Variants in TSPEAR observed in about 807,000 individuals in gnomAD.
TSPEAR encodes the protein thrombospondin type laminin G domain and EAR repeats.
In TSPEAR, 69 loss-of-function variants were observed where a neutral mutation model predicts 71.6. The observed-to-expected ratio is 0.96, with a 90% CI of 0.79 to 1.18. The LOEUF (loss-of-function observed/expected upper bound fraction) is 1.18. TSPEAR is among the 50% of genes most tolerant of loss of function. The probability of loss-of-function intolerance (pLI) is 0.00; values close to 1 mark genes in which losing one functional copy is unlikely to be tolerated. For synonymous variants in TSPEAR, 402 were observed against 387.2 expected, an observed-to-expected ratio of 1.04 and a Z score of -0.45; for missense variants, 971 against 894.9, an observed-to-expected ratio of 1.09 and a Z score of -1.09.
At chr21:44,630,391 C>G (rs1555935501) in intron 1 of TSPEAR, among the ~76,000 whole-genome samples, 2 of 152,118 alleles carry the variant, frequency 1.3e-5, no homozygotes, top group Admixed American at 6.5e-5. Flanking sequence ...TCACTGCCAC[C>G]TGGACAAAGG....
intron 1 of TSPEAR, among the ~76,000 whole-genome samples, chr21:44,669,013 T>C (rs897076402): frequency 1.3e-5 from 2 of 151,982 alleles, no homozygotes; most frequent in Admixed American, 6.5e-5. Flanking sequence ...TAGAATGAGA[T>C]TGAAGAAGAG....
chr21:44,627,969 C>T (rs1382175531), intron 1 of TSPEAR: 25 of 1,519,846 alleles, frequency 1.6e-5, no homozygotes, highest in Non-Finnish European at 2.0e-5. Flanking sequence ...GCCAGGCCTC[C>T]TGTGTGTCCC....
intron 1 of TSPEAR, among the ~76,000 whole-genome samples, chr21:44,606,323 C>T (rs149077335): frequency 6.6e-6 from 1 of 152,282 alleles, no homozygotes; most frequent in East Asian, 1.9e-4. Flanking sequence ...TGCAATGAGA[C>T]ATCACCTCAC....
rs1284396487 is a variant in TSPEAR, at chr21:44,567,831, T to G, written c.257A>C (p.Glu86Ala). 1 of 1,601,628 alleles carries G rather than the reference T, an allele frequency of 6.2e-7. No homozygotes were observed. Among genetic ancestry groups the G allele is most frequent in the Non-Finnish European group, 8.5e-7 (1 of 1,172,968 alleles). The change falls in exon 2 of 12, where the codon GAA becomes GCA. Residue 86 changes from glutamate to alanine, a missense_variant. Coordinates refer to ENST00000323084, the MANE Select transcript of TSPEAR (RefSeq NM_144991.3). ...IFSQCDLFPE[E>A]FSIVVTLRVP... ...TCTCAAAGTTACGACGATGGAAAAT[T>G]CTTCAGGGAAGAGGTCACACTGGGA... is the stretch of plus-strand genomic sequence containing the variant.
At chr21:44,511,525 CAT>C (rs2052378594) in intron 9 of TSPEAR, among the ~76,000 whole-genome samples, 1 of 152,212 alleles carries the variant, frequency 6.6e-6, no homozygotes, top group Admixed American at 6.5e-5. Flanking sequence ...TGTCCATGTG[CAT>C]ATGTGTATAC....
Position 44,641,827 on chromosome 21 carries a change from T to C in TSPEAR, c.82+69606A>G, listed in dbSNP as rs151013927. ...GAGGGAAGAAATTCCGCACCTAGAC[T>C]CTGCTGTGGCAGGCTTCAGCGGGAA... On this transcript the variant is annotated intron_variant, in intron 1 of 11. Transcript: ENST00000323084. Among the ~76,000 whole-genome samples, 1,230 of 152,314 alleles carry C rather than the reference T, an allele frequency of 8.1e-3. 7 individuals carry two copies. Among genetic ancestry groups the C allele is most frequent in the African/African-American group, 0.026 (1,091 of 41,566 alleles).
At chr21:44,708,931 G>A (rs1988075784) in intron 1 of TSPEAR, among the ~76,000 whole-genome samples, 1 of 152,250 alleles carries the variant, frequency 6.6e-6, no homozygotes, top group African/African-American at 2.4e-5. Flanking sequence ...GGGAAGGGGA[G>A]TGAATGAGGA....
intron 1 of TSPEAR, among the ~76,000 whole-genome samples, chr21:44,661,022 T>C (rs1300937351): frequency 2.0e-5 from 3 of 152,010 alleles, no homozygotes; most frequent in African/African-American, 7.3e-5. Flanking sequence ...CCGGGCGCGG[T>C]GGCTCACGCC....
chr21:44,552,632 C>T (rs2053461523), intron 2 of TSPEAR, among the ~76,000 whole-genome samples: 2 of 152,328 alleles, frequency 1.3e-5, no homozygotes, highest in East Asian at 3.9e-4. Flanking sequence ...AGACGTGAAC[C>T]TCTGTTATTC....
rs587679108 is a variant in TSPEAR, at chr21:44,638,856, C to T, written c.83-70851G>A. On this transcript the variant is annotated intron_variant, in intron 1 of 11. Coordinates refer to ENST00000323084, the MANE Select transcript of TSPEAR (RefSeq NM_144991.3). ...GCCCCCCAGGCCTGGGGTAGACCAC[C>T]TGGGGCCTGGCTCCACCCAGCAGCC... Among the ~76,000 whole-genome samples, 13 of 151,794 alleles carry T rather than the reference C, an allele frequency of 8.6e-5. No individual in the cohort carries two copies. The South Asian group carries it at 2.5e-3, about 29-fold the overall frequency.
intron 1 of TSPEAR, among the ~76,000 whole-genome samples, chr21:44,616,755 G>A (rs1294233977): frequency 3.3e-5 from 5 of 152,248 alleles, no homozygotes; most frequent in South Asian, 2.1e-4. Flanking sequence ...GGCAGCGCAC[G>A]GACAGAGTCT....
At chr21:44,597,343 A>T (rs1980426945) in intron 1 of TSPEAR, among the ~76,000 whole-genome samples, 1 of 151,716 alleles carries the variant, frequency 6.6e-6, no homozygotes, top group Non-Finnish European at 1.5e-5. Flanking sequence ...CATAAGTCAC[A>T]CTAGCATTTT....
intron 1 of TSPEAR, chr21:44,646,766 T>C (rs781942673): frequency 2.5e-5 from 41 of 1,613,504 alleles, no homozygotes; most frequent in Non-Finnish European, 3.5e-5. Flanking sequence ...TGTGTGCCTG[T>C]CTGCTGCAAG....
chr21:44,534,149 G>A (rs2053036546), intron 2 of TSPEAR, among the ~76,000 whole-genome samples: 1 of 97,484 alleles, frequency 1.0e-5, no homozygotes. Flanking sequence ...CGCTAGGGCT[G>A]GTGCCAGGGG....
At chr21:44,659,921 A>G (rs1449129340) in intron 1 of TSPEAR, among the ~76,000 whole-genome samples, 1 of 152,274 alleles carries the variant, frequency 6.6e-6, no homozygotes, top group African/African-American at 2.4e-5. Flanking sequence ...GGGTAATTTC[A>G]GCAGAGAAAT....
intron 1 of TSPEAR, chr21:44,579,504 G>T (rs1479710426): frequency 8.8e-6 from 5 of 570,308 alleles, no homozygotes; most frequent in Non-Finnish European, 1.6e-5. Context: ...GTGCTGACAG[G>T]TTCAAGTCGA....
intron 2 of TSPEAR, among the ~76,000 whole-genome samples, chr21:44,545,830 T>C (rs2053295735): frequency 6.6e-6 from 1 of 152,278 alleles, no homozygotes; most frequent in South Asian, 2.1e-4. Flanking sequence ...ATCATTAATC[T>C]AACTTTATAT....
intron 1 of TSPEAR, among the ~76,000 whole-genome samples, chr21:44,588,870 G>A (rs1979543720): frequency 6.6e-6 from 1 of 151,738 alleles, no homozygotes; most frequent in Non-Finnish European, 1.5e-5. Flanking sequence ...TGAGATTGGA[G>A]ATTATTATTC....
intron 1 of TSPEAR, among the ~76,000 whole-genome samples, chr21:44,573,380 G>A (rs138914244): frequency 4.0e-5 from 6 of 151,548 alleles, no homozygotes; most frequent in East Asian, 1.9e-4. Context: ...AGAGCCACCC[G>A]CAGGCACCCA....
Sources: allele counts gnomAD v4.1 joint callset (sites outside exome capture counted in the v4.1 genomes callset), GRCh38; gene constraint gnomAD v4.1.1; transcripts MANE v1.5; gene names NCBI Gene and HGNC (gene_info 2026-07-23, HGNC 2026-07-21).